The following FOXP2 variants were observed in gnomAD, a reference collection of about 807,000 sequenced individuals.
FOXP2 encodes forkhead box protein P2.
Under a neutral mutation model 115.8 loss-of-function variants are expected in FOXP2, and 12 were observed. That is an observed-to-expected ratio of 0.10 (90% CI 0.07 to 0.17). FOXP2 has a LOEUF of 0.17. FOXP2 is among the 10% of genes least tolerant of loss of function. The pLI is 1.00. For missense variants in FOXP2, 629 were observed against 843.5 expected (o/e 0.75, Z 3.15); for synonymous variants, 328 against 297.7 (o/e 1.10, Z -1.05).
chr7:114,327,869 A>G (rs958955591), intron 2 of FOXP2, among the ~76,000 whole-genome samples: 1 of 140,796 alleles, frequency 7.1e-6, no homozygotes, highest in Admixed American at 7.0e-5. Flanking sequence ...ACCATTTTTC[A>G]CTATGTAAGT....
At chr7:114,489,971 T>C (rs1796959920) in intron 2 of FOXP2, among the ~76,000 whole-genome samples, 1 of 152,110 alleles carries the variant, frequency 6.6e-6, no homozygotes, top group Non-Finnish European at 1.5e-5. Flanking sequence ...TTCTGTTCCT[T>C]ATTGGTGAAA....
chr7:114,157,247 G>A (rs2129149786), intron 1 of FOXP2, among the ~76,000 whole-genome samples: 1 of 152,142 alleles, frequency 6.6e-6, no homozygotes, highest in Middle Eastern at 3.4e-3. Flanking sequence ...TAGAAATCAG[G>A]TATGTGGACA....
intron 3 of FOXP2, among the ~76,000 whole-genome samples, chr7:114,552,230 T>G (rs1800244033): frequency 6.6e-6 from 1 of 152,180 alleles, no homozygotes; most frequent in Admixed American, 6.5e-5. Flanking sequence ...ATCTTTTAAA[T>G]GACCTGCTGG....
chr7:114,118,119 T>C lies in FOXP2; in HGVS notation c.-247+30281T>C, dbSNP rs74519360. Among the ~76,000 whole-genome samples, 190 of 152,270 alleles carry C rather than the reference T, an allele frequency of 1.2e-3. 3 individuals carry two copies. In the East Asian group the frequency reaches 0.027, roughly 21 times the overall value. ...GTCTTCTTTCCACCATAGCTGTACATATTTCCAGTTACTATTTATTGGGTT... is the reference window on the plus strand; with the variant it reads ...GTCTTCTTTCCACCATAGCTGTACACATTTCCAGTTACTATTTATTGGGTT... On this transcript the variant is annotated intron_variant, in intron 1 of 19. Coordinates refer to the FOXP2 transcript ENST00000635638.
intron 1 of FOXP2, among the ~76,000 whole-genome samples, chr7:114,206,945 T>G (rs1432538321): frequency 6.6e-6 from 1 of 152,154 alleles, no homozygotes; most frequent in Admixed American, 6.5e-5. Context: ...GAAACCTCAT[T>G]CTCATTAGCA....
chr7:114,352,354 C>T (rs898773449), intron 2 of FOXP2, among the ~76,000 whole-genome samples: 9 of 152,046 alleles, frequency 5.9e-5, no homozygotes, highest in Non-Finnish European at 1.3e-4. Flanking sequence ...GGCCTCAAAA[C>T]GATCTTCACA....
At chr7:114,406,291 A>AT (rs1174397647) in intron 2 of FOXP2, among the ~76,000 whole-genome samples, 2 of 151,924 alleles carry the variant, frequency 1.3e-5, no homozygotes, top group Non-Finnish European at 2.9e-5. Flanking sequence ...TTTTGAATGT[A>AT]TATCAGTTAA....
At position 114,576,766 on chromosome 7, in the gene FOXP2, G is replaced by A. The variant is rs556161013; in HGVS notation, c.258+42060G>A. On this transcript the variant is annotated intron_variant, in intron 3 of 16. Transcript: ENST00000350908. ...ATATAATTGGCATTAACTTCTAACC[G>A]TTTGCTCTATAGTTTTTGCGTATTT... Among the ~76,000 whole-genome samples, 66 of 151,994 alleles carry A rather than the reference G, an allele frequency of 4.3e-4. No individual in the cohort carries two copies. The Middle Eastern group carries it at 0.017, about 39-fold the overall frequency.
rs1048311736 is a variant in FOXP2, at chr7:114,335,882, G to GA, written c.-11+47782dup. 1.3e-3 allele frequency among the ~76,000 whole-genome samples: 190 copies of GA among 149,024 alleles called. 1 individual carries two copies. The highest frequency in any genetic ancestry group is 4.3e-3 in the African/African-American group (174 of 40,810). On this transcript the variant is annotated intron_variant, in intron 2 of 17. Transcript: ENST00000634411. The stretch of plus-strand genomic sequence containing the variant: ...ATAATTTTCTATTCCTAACAAAAAA[G>GA]AAAAAAAAATGATCAAAATGTGATG...
chr7:114,146,354 G>T (rs528385602), intron 1 of FOXP2, among the ~76,000 whole-genome samples: 1 of 152,122 alleles, frequency 6.6e-6, no homozygotes, highest in Admixed American at 6.5e-5. Flanking sequence ...ATATGACCCC[G>T]TTCGCTAGTA....
intron 1 of FOXP2, among the ~76,000 whole-genome samples, chr7:114,175,891 C>T (rs1234128024): frequency 3.3e-5 from 5 of 152,132 alleles, no homozygotes; most frequent in Admixed American, 6.5e-5. Flanking sequence ...CATATTCAAA[C>T]TTGACATATT....
At chr7:114,445,934 CTA>C (rs2129215200) in intron 2 of FOXP2, among the ~76,000 whole-genome samples, 1 of 152,150 alleles carries the variant, frequency 6.6e-6, no homozygotes, top group South Asian at 2.1e-4. Flanking sequence ...TTGTAGAGAA[CTA>C]TGTGTGTGAC....
At chr7:114,477,112 A>G (rs2129234407) in intron 2 of FOXP2, among the ~76,000 whole-genome samples, 1 of 152,120 alleles carries the variant, frequency 6.6e-6, no homozygotes, top group African/African-American at 2.4e-5. Context: ...CAAAGCTCTT[A>G]AAACAGAGCT....
chr7:114,373,306 A>G (rs1792059860), intron 2 of FOXP2, among the ~76,000 whole-genome samples: 2 of 152,116 alleles, frequency 1.3e-5, no homozygotes, highest in African/African-American at 4.8e-5. Context: ...AGGCGTGAGC[A>G]GTCGCGCCCA....
intron 3 of FOXP2, among the ~76,000 whole-genome samples, chr7:114,569,450 T>C (rs1249211278): frequency 2.0e-5 from 3 of 151,936 alleles, no homozygotes; most frequent in Non-Finnish European, 2.9e-5. Context: ...GAAGAGAAAA[T>C]TGGAGTTAAC....
At chr7:114,377,008 T>C (rs1388063592) in intron 2 of FOXP2, among the ~76,000 whole-genome samples, 1 of 152,194 alleles carries the variant, frequency 6.6e-6, no homozygotes, top group Non-Finnish European at 1.5e-5. Context: ...GATTAACTGA[T>C]AAAGTGCAGG....
chr7:114,305,522 TG>T (rs1023007385), intron 2 of FOXP2, among the ~76,000 whole-genome samples: 118 of 152,296 alleles, frequency 7.7e-4, no homozygotes, highest in African/African-American at 2.8e-3. Context: ...CTTAAATGAC[TG>T]TTTAAAATAT....
At chr7:114,193,322 A>G (rs1793813668) in intron 1 of FOXP2, among the ~76,000 whole-genome samples, 1 of 151,998 alleles carries the variant, frequency 6.6e-6, no homozygotes, top group Non-Finnish European at 1.5e-5. Flanking sequence ...GAGCAGCATT[A>G]ATGTTGATTA....
chr7:114,380,341 G>A (rs1229894073), intron 2 of FOXP2, among the ~76,000 whole-genome samples: 1 of 152,144 alleles, frequency 6.6e-6, no homozygotes, highest in Non-Finnish European at 1.5e-5. Context: ...CCTAATTCTA[G>A]TGCCCGAGTG....
Sources: gnomAD v4.1 joint callset for allele counts (sites outside exome capture counted in the v4.1 genomes callset) on GRCh38, gnomAD v4.1.1 for gene constraint, MANE v1.5 for transcripts, NCBI Gene and HGNC (gene_info 2026-07-23, HGNC 2026-07-21) for gene names.